The following CSMD2 variants were observed in gnomAD, a reference collection of about 807,000 sequenced individuals.
CSMD2 encodes the protein CUB and Sushi multiple domains 2, also known as CUB and sushi domain-containing protein 2.
CSMD2 carries 130 observed loss-of-function variants against 398.5 expected under a neutral mutation model. The observed-to-expected ratio is 0.33, with a 90% CI of 0.28 to 0.38. The LOEUF is 0.38. Among genes scored for constraint, CSMD2 ranks in the 10% least tolerant of loss-of-function variants. The pLI, the probability that CSMD2 is intolerant of heterozygous loss-of-function variation, is 1.00. For synonymous variants in CSMD2, 1,828 were observed against 1,908.5 expected, an observed-to-expected ratio of 0.96 and a Z score of 1.10; for missense variants, 3,829 against 4,764.9, an observed-to-expected ratio of 0.80 and a Z score of 5.78.
Position 33,636,613 on chromosome 1 carries a change from C to A in CSMD2, c.4775-59G>T. On this transcript the variant is annotated intron_variant, in intron 29 of 70. Transcript: ENST00000373381. The surrounding 1 kb of genome is among the most constrained non-coding windows in gnomAD (Gnocchi z 4.8). ...ACAGAGGGCTCATGAGGAGGCTATT[C>A]TTGGGCTCCAGTGCCCATGAGGAGA... 6.7e-7 allele frequency: 1 copy of A among 1,483,420 alleles called. No homozygotes were observed. The highest frequency in any genetic ancestry group is 1.8e-5 in the Admixed American group (1 of 56,460). 91.9% of individuals were successfully genotyped at this position (1,483,420 alleles called of 1,614,324 possible).
chr1:33,730,863 A>G (rs1358726187), intron 15 of CSMD2, among the ~76,000 whole-genome samples: 1 of 152,200 alleles, frequency 6.6e-6, no homozygotes, highest in Non-Finnish European at 1.5e-5. Flanking sequence ...TCTTTTAAAA[A>G]CTGTTTCCTA....
chr1:33,941,008 C>A (rs140205178), intron 3 of CSMD2, among the ~76,000 whole-genome samples: 2 of 151,876 alleles, frequency 1.3e-5, no homozygotes, highest in African/African-American at 2.4e-5. Flanking sequence ...TTAGAATGTC[C>A]GTGTATTTTT....
chr1:34,103,248 G>T (rs1225724921), intron 1 of CSMD2, among the ~76,000 whole-genome samples: 2 of 140,946 alleles, frequency 1.4e-5, no homozygotes, highest in South Asian at 2.5e-4. Flanking sequence ...GTGATATAAT[G>T]ATATGTTTAT....
At chr1:34,132,869 T>G (rs1638282796) in intron 1 of CSMD2, among the ~76,000 whole-genome samples, 2 of 152,166 alleles carry the variant, frequency 1.3e-5, no homozygotes, top group African/African-American at 4.8e-5. Flanking sequence ...GGTCTGCAGC[T>G]TACAGGTGGC....
chr1:33,752,628 A>G (rs78258776), intron 13 of CSMD2, among the ~76,000 whole-genome samples: 1,757 of 152,312 alleles, frequency 0.012, 29 homozygotes, highest in African/African-American at 0.04. Context: ...ACTATAAGAT[A>G]CCTGATGATG....
chr1:33,889,450 GCA>G (rs1244903063), intron 5 of CSMD2, among the ~76,000 whole-genome samples: 3 of 152,212 alleles, frequency 2.0e-5, no homozygotes, highest in East Asian at 3.9e-4. Context: ...CATGAAATTG[GCA>G]CAGTCTTTCT....
At chr1:34,165,331 G>T, upstream of CSMD2, 1 of 1,197,632 alleles carries the variant, frequency 8.3e-7, no homozygotes, top group Non-Finnish European at 1.0e-6. Context: ...GCGGGAGGGG[G>T]TGAATTATCC....
At chr1:33,758,127 C>G (rs1649301558) in intron 13 of CSMD2, among the ~76,000 whole-genome samples, 2 of 152,148 alleles carry the variant, frequency 1.3e-5, no homozygotes, top group Admixed American at 6.6e-5. Flanking sequence ...TTTTTCCACT[C>G]TCCCCACCCT....
intron 11 of CSMD2, among the ~76,000 whole-genome samples, chr1:33,790,303 A>G (rs1201612276): frequency 2.0e-5 from 3 of 152,306 alleles, no homozygotes; most frequent in East Asian, 1.9e-4. Context: ...TGAGATGAAC[A>G]CTGAAATCGA....
At chr1:33,952,403 C>T (rs570214458) in intron 3 of CSMD2, among the ~76,000 whole-genome samples, 1 of 152,308 alleles carries the variant, frequency 6.6e-6, no homozygotes, top group Middle Eastern at 3.4e-3. Context: ...CACAATATTC[C>T]CTGGCCCAGA....
At chr1:33,975,807 G>A (rs1414913368) in intron 3 of CSMD2, among the ~76,000 whole-genome samples, 2 of 152,176 alleles carry the variant, frequency 1.3e-5, no homozygotes, top group South Asian at 2.1e-4. Flanking sequence ...CTTTGGGGAT[G>A]TCGAACTGAA....
chr1:33,748,795 T>C (rs1338232943), intron 13 of CSMD2, among the ~76,000 whole-genome samples: 1 of 152,158 alleles, frequency 6.6e-6, no homozygotes, highest in Non-Finnish European at 1.5e-5. Context: ...TCTGAAAATA[T>C]TATGAGTGTG....
chr1:33,820,604 T>C (rs368607631), intron 7 of CSMD2, 48 bp from the exon 8 acceptor site: 4 of 1,304,046 alleles, frequency 3.1e-6, no homozygotes, highest in African/African-American at 1.6e-5. Context: ...CACACAGAGA[T>C]GGACAGTCAC....
chr1:34,130,091 A>C (rs1480929157), intron 1 of CSMD2, among the ~76,000 whole-genome samples: 1 of 152,184 alleles, frequency 6.6e-6, no homozygotes, highest in Non-Finnish European at 1.5e-5. Context: ...TCATTCATGC[A>C]ACTGATAAAT....
chr1:33,727,249 G>A (rs1401658670), intron 15 of CSMD2, among the ~76,000 whole-genome samples: 1 of 152,328 alleles, frequency 6.6e-6, no homozygotes, highest in African/African-American at 2.4e-5. Context: ...GAATCAATGA[G>A]TTAATGACAG....
At chr1:33,978,109 G>A (rs953298474) in intron 3 of CSMD2, among the ~76,000 whole-genome samples, 3 of 151,968 alleles carry the variant, frequency 2.0e-5, no homozygotes, top group Non-Finnish European at 2.9e-5. Context: ...CCATTATATG[G>A]ATGAGGAACT....
At chr1:33,581,731 T>C (rs1373446170) in intron 47 of CSMD2, among the ~76,000 whole-genome samples, 1 of 152,010 alleles carries the variant, frequency 6.6e-6, no homozygotes, top group Non-Finnish European at 1.5e-5. Context: ...CTACCTTAAA[T>C]GTCTGAGATT....
intron 2 of CSMD2, among the ~76,000 whole-genome samples, chr1:34,077,597 C>T (rs1031658280): frequency 6.0e-5 from 9 of 148,936 alleles, no homozygotes; most frequent in Non-Finnish European, 5.9e-5. Flanking sequence ...ATTAGTTGGG[C>T]GTGGTGGCGG....
At chr1:33,716,536 C>CTTTTTTTTTTTTAAT in intron 19 of CSMD2, 35 bp from the exon 20 acceptor site, 2 of 1,521,010 alleles carry the variant, frequency 1.3e-6, no homozygotes, top group African/African-American at 2.7e-5. Context: ...TTGTTGATGG[C>CTTTTTTTTTTTTAAT]GAGATGGCTG....
Sources: gnomAD v4.1 joint callset for allele counts (sites outside exome capture counted in the v4.1 genomes callset) on GRCh38, gnomAD v4.1.1 for gene constraint, Gnocchi (gnomAD v3.1) non-coding constraint, MANE v1.5 for transcripts, NCBI Gene and HGNC (gene_info 2026-07-23, HGNC 2026-07-21) for gene names.